ARHGAP26: variants seen among roughly 807,000 people sequenced by gnomAD.
ARHGAP26 encodes rho GTPase-activating protein 26.
ARHGAP26 carries 38 observed loss-of-function variants against 104.8 expected under a neutral mutation model. The observed-to-expected ratio is 0.36, with a 90% CI of 0.28 to 0.48. The LOEUF is 0.48. ARHGAP26 is among the 20% of genes least tolerant of loss of function. ARHGAP26 has a pLI of 0.99. For synonymous variants in ARHGAP26, 341 were observed against 340.0 expected, an observed-to-expected ratio of 1.00 and a Z score of -0.03; for missense variants, 704 against 947.9, an observed-to-expected ratio of 0.74 and a Z score of 3.38.
At chr5:143,146,066 C>T (rs1055198341) in intron 19 of ARHGAP26, among the ~76,000 whole-genome samples, 2 of 152,052 alleles carry the variant, frequency 1.3e-5, no homozygotes, top group African/African-American at 4.8e-5. Context: ...ACCCCTGACT[C>T]GCTGCAAAAA....
chr5:143,076,272 A>G (rs968125083), intron 17 of ARHGAP26, among the ~76,000 whole-genome samples: 2 of 149,678 alleles, frequency 1.3e-5, no homozygotes, highest in African/African-American at 4.9e-5. Flanking sequence ...TGCTGGGACT[A>G]CAAGAATGAG....
At chr5:142,894,647 A>T (rs1343746099) in intron 6 of ARHGAP26, among the ~76,000 whole-genome samples, 1 of 152,088 alleles carries the variant, frequency 6.6e-6, no homozygotes, top group Non-Finnish European at 1.5e-5. Flanking sequence ...TCCAGAGGGG[A>T]GGGGTTCTCT....
intron 1 of ARHGAP26, among the ~76,000 whole-genome samples, chr5:142,823,781 C>G (rs1007106232): frequency 2.0e-5 from 3 of 152,170 alleles, no homozygotes; most frequent in African/African-American, 7.2e-5. Flanking sequence ...TTGCTTTTGA[C>G]AGATTATAGC....
rs778977295 is a variant in ARHGAP26 at position 142,875,181 on chromosome 5, G to T, written c.312+10G>T. On this transcript the variant is annotated intron_variant, in intron 3 of 22. Transcript: ENST00000645722. ...TGAACGGATACGGATGGTGAGTAGGGCTGGGCTACTCTTGGTCCCAGATAG... is the reference window on the plus strand; with the variant it reads ...TGAACGGATACGGATGGTGAGTAGGTCTGGGCTACTCTTGGTCCCAGATAG... 6.2e-7 allele frequency: 1 copy of T among 1,613,552 alleles called. No individual in the cohort carries two copies. Among genetic ancestry groups the T allele is most frequent in the South Asian group, 1.1e-5 (1 of 91,068 alleles).
chr5:143,019,268 G>C (rs926622833), intron 12 of ARHGAP26, among the ~76,000 whole-genome samples: 8 of 151,926 alleles, frequency 5.3e-5, no homozygotes, highest in Non-Finnish European at 1.2e-4. Flanking sequence ...TTCTTCTTAA[G>C]CTTTTTTTTT....
At chr5:143,019,729 T>C (rs1347813) in intron 12 of ARHGAP26, among the ~76,000 whole-genome samples, 113,727 of 152,090 alleles carry the variant, frequency 0.75, 43,450 homozygotes, top group Middle Eastern at 0.83. Flanking sequence ...CCAAGTTTGA[T>C]GTTTTAAATA....
At chr5:142,944,967 A>G (rs910848530) in intron 11 of ARHGAP26, among the ~76,000 whole-genome samples, 3 of 152,116 alleles carry the variant, frequency 2.0e-5, no homozygotes, top group African/African-American at 7.2e-5. Flanking sequence ...TGGAGCAGTG[A>G]GCAACAGAGG....
intron 11 of ARHGAP26, among the ~76,000 whole-genome samples, chr5:143,004,111 A>G (rs893601730): frequency 1.3e-5 from 2 of 151,576 alleles, no homozygotes; most frequent in Non-Finnish European, 2.9e-5. Context: ...TGTTTGCCTT[A>G]TTTGAACATA....
At chr5:143,004,641 C>A (rs1777681851) in intron 11 of ARHGAP26, among the ~76,000 whole-genome samples, 1 of 152,172 alleles carries the variant, frequency 6.6e-6, no homozygotes, top group Non-Finnish European at 1.5e-5. Flanking sequence ...TCCACCCTGA[C>A]CTTCATCTCT....
intron 1 of ARHGAP26, among the ~76,000 whole-genome samples, chr5:142,782,393 C>T (rs1333069778): frequency 6.6e-6 from 1 of 152,172 alleles, no homozygotes; most frequent in South Asian, 2.1e-4. Flanking sequence ...CGCAGGGGTC[C>T]TTAGCCTCTG....
At chr5:142,949,180 A>AGAGAGAGAGAG (rs1767693658) in intron 11 of ARHGAP26, among the ~76,000 whole-genome samples, 1 of 7,526 alleles carries the variant, frequency 1.3e-4, no homozygotes, top group Non-Finnish European at 2.2e-4. Flanking sequence ...AGAGAGAGAG[A>AGAGAGAGAGAG]GAGAGAGAGA....
chr5:142,812,205 A>G (rs1306480685), intron 1 of ARHGAP26, among the ~76,000 whole-genome samples: 1 of 151,960 alleles, frequency 6.6e-6, no homozygotes, highest in Non-Finnish European at 1.5e-5. Context: ...TTTTTAACCC[A>G]GTTCTTTACA....
intron 13 of ARHGAP26, among the ~76,000 whole-genome samples, chr5:143,038,745 G>A (rs1193805731): frequency 8.1e-6 from 1 of 123,992 alleles, no homozygotes; most frequent in African/African-American, 3.1e-5. Flanking sequence ...CCCCAGGCTG[G>A]AGTGCAGTAA....
rs527759753 is a variant in ARHGAP26 at position 143,093,590 on chromosome 5, TTC to T, written c.1539-27392_1539-27391del. Among the ~76,000 whole-genome samples, 526 of 151,896 alleles carry T rather than the reference TTC, an allele frequency of 3.5e-3. 2 individuals carry two copies. The highest frequency in any genetic ancestry group is 0.027 in the Middle Eastern group (8 of 294). On this transcript the variant is annotated intron_variant, in intron 17 of 22. Transcript: ENST00000645722. The stretch of plus-strand genomic sequence containing the variant: ...TCTTTCTCTCTCTCTGCCTCACTCT[TTC>T]TCTCTGTCTTTGACTCCATCTTTGT...
intron 1 of ARHGAP26, among the ~76,000 whole-genome samples, chr5:142,833,273 C>G (rs1022499800): frequency 6.7e-6 from 1 of 150,302 alleles, no homozygotes; most frequent in Non-Finnish European, 1.5e-5. Context: ...GTTGACCAGG[C>G]TGGTCTCAAA....
chr5:143,158,479 G>A (rs1432010186), intron 20 of ARHGAP26, among the ~76,000 whole-genome samples: 3 of 152,100 alleles, frequency 2.0e-5, no homozygotes, highest in Non-Finnish European at 2.9e-5. Flanking sequence ...ACTCTCCACT[G>A]GGGAAGAATT....
chr5:143,040,036 C>G (rs1359946292), intron 13 of ARHGAP26, among the ~76,000 whole-genome samples: 1 of 152,132 alleles, frequency 6.6e-6, no homozygotes, highest in Non-Finnish European at 1.5e-5. Flanking sequence ...CAGAGATGAA[C>G]AGACTTCCCA....
chr5:143,042,504 G>A (rs1253541196), intron 14 of ARHGAP26, among the ~76,000 whole-genome samples: 1 of 152,186 alleles, frequency 6.6e-6, no homozygotes, highest in Non-Finnish European at 1.5e-5. Context: ...AAGCCCATGA[G>A]TCCATGAGCC....
chr5:143,088,433 T>C (rs796912162), intron 17 of ARHGAP26, among the ~76,000 whole-genome samples: 78 of 152,012 alleles, frequency 5.1e-4, no homozygotes, highest in African/African-American at 1.7e-3. Flanking sequence ...TGAGATGCCA[T>C]GATGATCATA....
Sources: gnomAD v4.1 joint callset for allele counts (sites outside exome capture counted in the v4.1 genomes callset) on GRCh38, gnomAD v4.1.1 for gene constraint, MANE v1.5 for transcripts, NCBI Gene and HGNC (gene_info 2026-07-23, HGNC 2026-07-21) for gene names.